Variants in PCNT observed in about 807,000 individuals in gnomAD.
The protein encoded by PCNT is kendrin.
PCNT carries 319 observed loss-of-function variants against 380.4 expected under a neutral mutation model. The ratio of observed to expected loss-of-function variants is 0.84; its 90% CI spans 0.77 to 0.92. PCNT has a LOEUF of 0.92. Among genes scored for constraint, PCNT ranks in the 40% least tolerant of loss-of-function variants. PCNT has a pLI of 0.00. For missense variants in PCNT, 4,400 were observed against 4,255.3 expected, an observed-to-expected ratio of 1.03 and a Z score of -0.95; for synonymous variants, 1,845 against 1,735.2, an observed-to-expected ratio of 1.06 and a Z score of -1.57.
chr21:46,336,142 A>G (rs62224213), intron 3 of PCNT, among the ~76,000 whole-genome samples: 50,783 of 151,846 alleles, frequency 0.33, 9,112 homozygotes, highest in Admixed American at 0.43. Context: ...ACGCCTGGCT[A>G]ATTTTTATAT....
In PCNT at chr21:46,411,481, G is replaced by A; in HGVS notation, c.5408G>A (p.Ser1803Asn). The A allele has an allele frequency of 1.2e-6, 2 of 1,609,518 alleles. No individual in the cohort carries two copies. The highest frequency in any genetic ancestry group is 1.1e-5 in the South Asian group (1 of 90,930). Residue 1803 changes from serine (S) to asparagine (N), a missense_variant, in exon 28 of 47, where the codon AGC (serine) becomes AAC (asparagine). By Grantham distance (46) the Ser-to-Asn change is conservative. Transcript: ENST00000359568. ...GCGCTGGAAGCCAAGGAGGCCCTGA[G>A]CCGGCTGCTGGCTGACCAGGAGCGC... ...EAALEAKEAL[S>N]RLLADQERRH...
Position 46,366,655 on chromosome 21 carries a change from A to G in PCNT, c.2681A>G (p.Gln894Arg), listed in dbSNP as rs763483779. 5 of 1,613,830 alleles carry G rather than the reference A, an allele frequency of 3.1e-6. No homozygotes were observed. The African/African-American group carries it at 5.3e-5, about 17-fold the overall frequency. Reference protein sequence around the residue: ...AEQDAFLQEAQEQHARELQLL... With the variant: ...AEQDAFLQEAREQHARELQLL... ...CAAGATGCCTTCCTGCAGGAGGCCC[A>G]GGAGCAGCATGCCCGTGAGCTGCAG... Residue 894 changes from glutamine (Q) to arginine (R), a missense_variant, in exon 15 of 47, where the codon CAG becomes CGG. Physicochemically the swap from Gln to Arg is conservative, Grantham distance 43. Coordinates refer to ENST00000359568, the MANE Select transcript of PCNT (RefSeq NM_006031.6).
intron 15 of PCNT, among the ~76,000 whole-genome samples, chr21:46,367,902 A>G (rs984507012): frequency 6.6e-6 from 1 of 152,226 alleles, no homozygotes; most frequent in Non-Finnish European, 1.5e-5. Flanking sequence ...GCCAGGCACA[A>G]TGGCTCACGT....
chr21:46,414,752 C>T (rs536713401), intron 29 of PCNT, among the ~76,000 whole-genome samples: 14 of 91,118 alleles, frequency 1.5e-4, no homozygotes, highest in Admixed American at 5.9e-4. Context: ...CTCCTGGACA[C>T]GCAGCCGCCC....
intron 32 of PCNT, among the ~76,000 whole-genome samples, chr21:46,422,684 T>C (rs1022662003): frequency 6.6e-6 from 1 of 152,170 alleles, no homozygotes. Flanking sequence ...CTACAGGAGC[T>C]TAGTCAAGTG....
rs757643083 is a variant in PCNT, at chr21:46,388,846, G to C, written c.3569G>C (p.Cys1190Ser). The change falls in exon 18 of 47, where the codon TGC becomes TCC. Residue 1190 changes from cysteine to serine, a missense_variant. By Grantham distance (112) the Cys-to-Ser change is moderately radical. Transcript: ENST00000359568. This position sits in a 1 kb window ranked among gnomAD's most constrained non-coding sequence, Gnocchi z 4.2. Reference sequence around the variant, plus strand: ...CGGATCGGGGAGCGCGTGGGGCTCTGCCTGGATGACGCGGGCGCAGGCCTG... The same window carrying C: ...CGGATCGGGGAGCGCGTGGGGCTCTCCCTGGATGACGCGGGCGCAGGCCTG... ...RSRIGERVGL[C>S]LDDAGAGLAL... 2 of 1,611,026 alleles carry C rather than the reference G, an allele frequency of 1.2e-6. No homozygotes were observed. The highest frequency in any genetic ancestry group is 4.5e-5 in the East Asian group (2 of 44,888).
chr21:46,383,264 GCGCA>G, intron 16 of PCNT, among the ~76,000 whole-genome samples: 1 of 147,040 alleles, frequency 6.8e-6, no homozygotes, highest in Non-Finnish European at 1.5e-5. Context: ...AGTGATGGAA[GCGCA>G]TTCACAGTGC....
Position 46,346,885 on chromosome 21 carries a change from G to C in PCNT, c.863G>C (p.Arg288Pro), listed in dbSNP as rs542099749. 1 of 1,606,952 alleles carries C rather than the reference G, an allele frequency of 6.2e-7. No homozygotes were observed. Among genetic ancestry groups the C allele is most frequent in the Non-Finnish European group, 8.5e-7 (1 of 1,177,624 alleles). Residue 288 changes from arginine to proline, a missense_variant, in exon 5 of 47, where the codon CGT becomes CCT. Arg to Pro is a moderately radical substitution (Grantham distance 103). Coordinates refer to ENST00000359568, the MANE Select transcript of PCNT (RefSeq NM_006031.6). ...TELREMLNSRRAQELALLQSR... is the reference protein window; with the variant it reads ...TELREMLNSRPAQELALLQSR... ...CTGCGGGAGATGCTCAACAGCCGGC[G>C]TGCCCAGGAGCTGGCCCTGCTACAG...
intron 11 of PCNT, among the ~76,000 whole-genome samples, chr21:46,354,460 G>T (rs1284805190): frequency 6.6e-6 from 1 of 152,204 alleles, no homozygotes; most frequent in Non-Finnish European, 1.5e-5. Flanking sequence ...TCCGTGCTGC[G>T]ACTTCTGTCA....
rs1280297037 is a variant in PCNT at position 46,425,603 on chromosome 21, C to A, written c.7180-228C>A. ...GGAGTGGCTTATAGAGAAATTCACT[C>A]CAAGCCTGGCTTCCGTGTTGTCTCT... On this transcript the variant is annotated intron_variant, in intron 32 of 46. Coordinates refer to ENST00000359568, the MANE Select transcript of PCNT (RefSeq NM_006031.6). This position sits in a 1 kb window ranked among gnomAD's most constrained non-coding sequence, Gnocchi z 4.2. Among the ~76,000 whole-genome samples, 1 of 152,210 alleles carries A rather than the reference C, an allele frequency of 6.6e-6. No individual in the cohort carries two copies. Among genetic ancestry groups the A allele is most frequent in the African/African-American group, 2.4e-5 (1 of 41,460 alleles).
chr21:46,326,987 T>C (rs1346841046), intron 2 of PCNT, among the ~76,000 whole-genome samples: 9 of 150,180 alleles, frequency 6.0e-5, no homozygotes, highest in African/African-American at 2.2e-4. Flanking sequence ...CACTCCAGAC[T>C]GGGTGACAGA....
intron 31 of PCNT, chr21:46,420,926 C>T (rs145789877): frequency 7.0e-4 from 106 of 152,322 alleles, no homozygotes; most frequent in African/African-American, 2.5e-3. Context: ...GGACTTGGCA[C>T]CATTATTAGA....
At chr21:46,346,465 T>C (rs775792623) in intron 4 of PCNT, among the ~76,000 whole-genome samples, 12 of 152,126 alleles carry the variant, frequency 7.9e-5, no homozygotes, top group Non-Finnish European at 1.6e-4. Flanking sequence ...CCCTGTCAGC[T>C]GCGAAGCCCC....
intron 27 of PCNT, among the ~76,000 whole-genome samples, chr21:46,403,517 CGGCGT>C (rs2086510505): frequency 8.9e-6 from 1 of 112,054 alleles, no homozygotes; most frequent in African/African-American, 3.2e-5. Context: ...GGTGCCCACG[CGGCGT>C]GTGCTCGGTG....
chr21:46,425,618 G>C lies in PCNT; in HGVS notation c.7180-213G>C, dbSNP rs574641665. On this transcript the variant is annotated intron_variant, in intron 32 of 46. Coordinates refer to ENST00000359568, the MANE Select transcript of PCNT (RefSeq NM_006031.6). The surrounding 1 kb of genome is among the most constrained non-coding windows in gnomAD (Gnocchi z 4.2). Reference sequence around the variant, plus strand: ...GAAATTCACTCCAAGCCTGGCTTCCGTGTTGTCTCTCTGAAGGTCGGGAGA... The same window carrying C: ...GAAATTCACTCCAAGCCTGGCTTCCCTGTTGTCTCTCTGAAGGTCGGGAGA... Among the ~76,000 whole-genome samples, 2 of 152,220 alleles carry C rather than the reference G, an allele frequency of 1.3e-5. No homozygotes were observed. Among genetic ancestry groups the C allele is most frequent in the African/African-American group, 2.4e-5 (1 of 41,458 alleles).
chr21:46,331,816 C>G (rs1382077869), intron 2 of PCNT, among the ~76,000 whole-genome samples: 2 of 152,000 alleles, frequency 1.3e-5, no homozygotes, highest in Non-Finnish European at 2.9e-5. Flanking sequence ...CAGAATTTGA[C>G]CTTTCAGTTA....
Position 46,411,609 on chromosome 21 carries a change from G to A in PCNT, c.5536G>A (p.Glu1846Lys), listed in dbSNP as rs760387181. Residue 1846 changes from glutamate to lysine, a missense_variant, in exon 28 of 47, where the codon GAG becomes AAG. Physicochemically the swap from Glu to Lys is moderately conservative, Grantham distance 56 (BLOSUM62 1). Transcript: ENST00000359568. ...AELERNVALR[E>K]AEVEDMASRI... is the part of the protein sequence containing the mutation. ...GCTGGAGCGCAATGTAGCCCTCAGG[G>A]AGGCTGAGGTCGAAGACATGGCCTC... The A allele has an allele frequency of 1.9e-6, 3 of 1,613,082 alleles. No individual in the cohort carries two copies. The South Asian group carries it at 3.3e-5, about 18-fold the overall frequency.
chr21:46,363,307 T>C (rs2084783312), intron 13 of PCNT, among the ~76,000 whole-genome samples, 173 bp from the exon 14 acceptor site: 1 of 152,218 alleles, frequency 6.6e-6, no homozygotes, highest in African/African-American at 2.4e-5. Flanking sequence ...ACTTGTCCAC[T>C]TTAGGTTTCT....
At chr21:46,329,925 C>G (rs576583733) in intron 2 of PCNT, among the ~76,000 whole-genome samples, 110 of 152,318 alleles carry the variant, frequency 7.2e-4, no homozygotes, top group Non-Finnish European at 1.5e-3. Flanking sequence ...CATCTCACAT[C>G]GTCATCCTGA....
Sources: allele counts gnomAD v4.1 joint callset (sites outside exome capture counted in the v4.1 genomes callset), GRCh38; gene constraint gnomAD v4.1.1; non-coding constraint Gnocchi (gnomAD v3.1); transcripts MANE v1.5; gene names NCBI Gene and HGNC (gene_info 2026-07-23, HGNC 2026-07-21).